KLF8: variants seen among roughly 807,000 people sequenced by gnomAD.
KLF8 encodes the protein KLF transcription factor 8, also known as Krueppel-like factor 8.
KLF8 carries 10 observed loss-of-function variants against 18.2 expected under a neutral mutation model. The ratio of observed to expected loss-of-function variants is 0.55; its 90% CI spans 0.34 to 0.93. The LOEUF is 0.93. Ranked by LOEUF, KLF8 falls within the 40% of genes least tolerant of loss-of-function variation. The probability of loss-of-function intolerance (pLI) is 0.02; values close to 1 mark genes in which losing one functional copy is unlikely to be tolerated. For synonymous variants in KLF8, 109 were observed against 97.3 expected, an observed-to-expected ratio of 1.12 and a Z score of -0.71; for missense variants, 264 against 277.9, an observed-to-expected ratio of 0.95 and a Z score of 0.36.
chrX:56,079,254 T>A, the KLF8 span, among the ~76,000 whole-genome samples: 6 of 111,586 alleles, frequency 5.4e-5, no homozygotes, highest in Non-Finnish European at 1.1e-4. Context: ...ATTTTGGATC[T>A]TCCCTGCTTC....
the KLF8 span, among the ~76,000 whole-genome samples, chrX:56,058,293 T>C: frequency 5.7e-3 from 370 of 65,210 alleles, 20 homozygotes; most frequent in African/African-American, 0.021. Context: ...TATATATATA[T>C]ATATATATAT....
chrX:55,916,496 G>T, the KLF8 span, among the ~76,000 whole-genome samples: 7 of 111,345 alleles, frequency 6.3e-5, no homozygotes, highest in African/African-American at 2.3e-4. Flanking sequence ...TTTTCTTTTT[G>T]CACTTTGAAG....
the KLF8 span, among the ~76,000 whole-genome samples, chrX:56,197,901 G>T: frequency 1.8e-5 from 2 of 111,856 alleles, no homozygotes; most frequent in Non-Finnish European, 3.8e-5. Context: ...TGATCAAGTT[G>T]GCTTCCTCCC....
the KLF8 span, among the ~76,000 whole-genome samples, chrX:56,223,746 A>T: frequency 8.9e-6 from 1 of 112,391 alleles, no homozygotes; most frequent in African/African-American, 3.2e-5. Context: ...AGAGAGAAAG[A>T]TGTAGCCAGG....
At chrX:56,232,147 G>A (rs2066407459), upstream of KLF8, among the ~76,000 whole-genome samples, 1 of 111,683 alleles carries the variant, frequency 9.0e-6, no homozygotes, top group African/African-American at 3.3e-5. Flanking sequence ...TAGCATAACC[G>A]GAGTAAATAG....
the KLF8 span, among the ~76,000 whole-genome samples, chrX:56,157,319 G>C: frequency 2.7e-5 from 3 of 109,522 alleles, no homozygotes; most frequent in Non-Finnish European, 3.8e-5. Flanking sequence ...CACCAACATG[G>C]CACATGTATA....
At chrX:56,209,645 T>C in the KLF8 span, among the ~76,000 whole-genome samples, 5 of 111,526 alleles carry the variant, frequency 4.5e-5, no homozygotes, top group Non-Finnish European at 9.4e-5. Flanking sequence ...AATAAGTAAA[T>C]AAGGACTTAC....
chrX:56,079,957 A>G, the KLF8 span, among the ~76,000 whole-genome samples: 2 of 110,883 alleles, frequency 1.8e-5, 1 homozygote, highest in African/African-American at 6.6e-5. Flanking sequence ...TTTATCAGAG[A>G]CTAGGATTGC....
chrX:55,942,177 C>T, the KLF8 span, among the ~76,000 whole-genome samples: 1 of 111,612 alleles, frequency 9.0e-6, no homozygotes, highest in Non-Finnish European at 1.9e-5. Flanking sequence ...CCATGGAATA[C>T]TATGCAGCCA....
chrX:56,176,732 A>G, the KLF8 span, among the ~76,000 whole-genome samples: 1 of 111,405 alleles, frequency 9.0e-6, no homozygotes, highest in Non-Finnish European at 1.9e-5. Context: ...TGTCACTTTC[A>G]AGTACACCAA....
the KLF8 span, among the ~76,000 whole-genome samples, chrX:56,186,080 C>A: frequency 8.9e-6 from 1 of 111,910 alleles, no homozygotes; most frequent in Admixed American, 9.5e-5. Flanking sequence ...CACAGACTGG[C>A]AAATTGGAAA....
the KLF8 span, among the ~76,000 whole-genome samples, chrX:56,032,199 G>A: frequency 9.0e-6 from 1 of 110,983 alleles, no homozygotes; most frequent in Admixed American, 9.5e-5. Context: ...AATATGAGGG[G>A]TCTCTTTTTC....
chrX:56,177,715 G>A, the KLF8 span, among the ~76,000 whole-genome samples: 2 of 111,628 alleles, frequency 1.8e-5, no homozygotes, highest in East Asian at 2.8e-4. Flanking sequence ...GTCTACAGAG[G>A]CAGGCAGGCC....
upstream of KLF8, among the ~76,000 whole-genome samples, chrX:56,229,373 A>G (rs1411594279): frequency 2.7e-5 from 3 of 112,280 alleles, no homozygotes; most frequent in African/African-American, 9.7e-5. Flanking sequence ...TTCTTCAAGC[A>G]GTCTCCCTCA....
the KLF8 span, among the ~76,000 whole-genome samples, chrX:56,186,281 G>C: frequency 9.0e-6 from 1 of 111,205 alleles, no homozygotes; most frequent in African/African-American, 3.3e-5. Flanking sequence ...GACAAAGAAG[G>C]CCATTACATA....
the KLF8 span, among the ~76,000 whole-genome samples, chrX:55,996,640 C>T: frequency 3.6e-5 from 4 of 111,751 alleles, no homozygotes; most frequent in Non-Finnish European, 5.6e-5. Context: ...GAAGGATTAG[C>T]GCAGCATTCT....
the KLF8 span, among the ~76,000 whole-genome samples, chrX:56,013,735 G>A: frequency 9.0e-6 from 1 of 111,459 alleles, no homozygotes; most frequent in South Asian, 3.8e-4. Context: ...GCCACCATGT[G>A]AAGAATGACA....
chrX:56,154,058 T>G, the KLF8 span, among the ~76,000 whole-genome samples: 2 of 111,350 alleles, frequency 1.8e-5, no homozygotes, highest in African/African-American at 6.5e-5. Context: ...AATGACTTTC[T>G]TCACAGAATT....
chrX:56,137,062 C>A, the KLF8 span, among the ~76,000 whole-genome samples: 2 of 110,957 alleles, frequency 1.8e-5, no homozygotes, highest in Non-Finnish European at 3.8e-5. Context: ...GAGATACCAT[C>A]TCACACCAGT....
Sources: gnomAD v4.1 joint callset for allele counts (sites outside exome capture counted in the v4.1 genomes callset) on GRCh38, gnomAD v4.1.1 for gene constraint, MANE v1.5 for transcripts, NCBI Gene and HGNC (gene_info 2026-07-23, HGNC 2026-07-21) for gene names.